SPTBN1: variants seen among roughly 807,000 people sequenced by gnomAD.
SPTBN1 encodes spectrin beta, non-erythrocytic 1.
In SPTBN1, 32 loss-of-function variants were observed where a neutral mutation model predicts 266.4. That is an observed-to-expected ratio of 0.12 (90% CI 0.09 to 0.16). SPTBN1 has a LOEUF of 0.16. SPTBN1 is among the 10% of genes least tolerant of loss of function. The pLI is 1.00. For missense variants in SPTBN1, 2,296 were observed against 3,067.1 expected (o/e 0.75, Z 5.94); for synonymous variants, 1,336 against 1,162.2 (o/e 1.15, Z -3.04).
Position 54,618,106 on chromosome 2 carries a change from A to G in SPTBN1, c.676A>G (p.Lys226Glu), listed in dbSNP as rs375829530. ...RPDLIDFDKL[K>E]KSNAHYNLQN... Reference sequence around the variant, plus strand: ...TGACCTGATAGATTTTGACAAACTAAAGAAATCTAACGCACACTACAACCT... The same window carrying G: ...TGACCTGATAGATTTTGACAAACTAGAGAAATCTAACGCACACTACAACCT... Residue 226 changes from lysine (K) to glutamate (E), a missense_variant, in exon 7 of 36, where the codon AAG (lysine) becomes GAG (glutamate). Coordinates refer to ENST00000356805, the MANE Select transcript of SPTBN1 (RefSeq NM_003128.3). 2.2e-5 allele frequency: 35 copies of G among 1,614,048 alleles called. No individual in the cohort carries two copies. Among genetic ancestry groups the G allele is most frequent in the Non-Finnish European group, 5.1e-6 (6 of 1,180,018 alleles).
At chr2:54,665,799 G>T in intron 33 of SPTBN1, 116 bp from the exon 34 acceptor site, 4 of 1,216,966 alleles carry the variant, frequency 3.3e-6, no homozygotes, top group Non-Finnish European at 3.4e-6. Context: ...TGAGGGTTGG[G>T]TGGGGTCACA....
chr2:54,522,649 AG>A lies in SPTBN1; in HGVS notation c.-47-3722del, dbSNP rs1423462918. Among the ~76,000 whole-genome samples the A allele has an allele frequency of 1.4e-3, 76 of 54,800 alleles. 1 individual carries two copies. The highest frequency in any genetic ancestry group is 2.1e-3 in the Non-Finnish European group (61 of 29,500). 36.0% of individuals were successfully genotyped at this position (54,800 alleles called of 152,430 possible). The stretch of plus-strand genomic sequence containing the variant: ...CTGTCTCAAAAAGAAAGAAAGAAAG[AG>A]AGAGAGAAAGAGAGAGAGAGAGAGA... On this transcript the variant is annotated intron_variant, in intron 1 of 35. Coordinates refer to ENST00000356805, the MANE Select transcript of SPTBN1 (RefSeq NM_003128.3).
At chr2:54,470,561 G>A (rs755362346) in intron 1 of SPTBN1, among the ~76,000 whole-genome samples, 2 of 152,216 alleles carry the variant, frequency 1.3e-5, no homozygotes, top group Admixed American at 6.5e-5. Flanking sequence ...GAATGTAGCA[G>A]CATTTGAATG....
chr2:54,533,347 CTA>C lies in SPTBN1; in HGVS notation c.148+6782_148+6783del, dbSNP rs1671376668. ...AAAGTGAAACCCAGGCTAAAGGGGA[CTA>C]GTGTGTGTGTGTGTGTGTGTGTGTG... is the stretch of plus-strand genomic sequence containing the variant. On this transcript the variant is annotated intron_variant, in intron 2 of 35. Coordinates refer to ENST00000356805, the MANE Select transcript of SPTBN1 (RefSeq NM_003128.3). The surrounding 1 kb of genome is among the most constrained non-coding windows in gnomAD (Gnocchi z 4.2). Among the ~76,000 whole-genome samples, 4 of 128,106 alleles carry C rather than the reference CTA, an allele frequency of 3.1e-5. No homozygotes were observed. In the South Asian group the frequency reaches 7.8e-4, roughly 25 times the overall value. 84.0% of individuals were successfully genotyped at this position (128,106 alleles called of 152,430 possible).
rs1394566448 is a variant in SPTBN1, at chr2:54,471,616, A to G, written c.-48+15098A>G. ...GTGATTCCAGCAAGGCTGTGCATCAAATGTTGGAATGTGTTGGAGAACTGC... is the reference window on the plus strand; with the variant it reads ...GTGATTCCAGCAAGGCTGTGCATCAGATGTTGGAATGTGTTGGAGAACTGC... On this transcript the variant is annotated intron_variant, in intron 1 of 35. Coordinates refer to ENST00000356805, the MANE Select transcript of SPTBN1 (RefSeq NM_003128.3). Among the ~76,000 whole-genome samples the G allele has an allele frequency of 5.9e-5, 9 of 152,214 alleles. No individual in the cohort carries two copies. In the East Asian group the frequency reaches 9.6e-4, roughly 16 times the overall value.
At chr2:54,470,650 TGAC>T (rs1336715246) in intron 1 of SPTBN1, among the ~76,000 whole-genome samples, 1 of 152,206 alleles carries the variant, frequency 6.6e-6, no homozygotes, top group Non-Finnish European at 1.5e-5. Flanking sequence ...GAGAGTACAC[TGAC>T]TTTTAGAGGA....
rs766088461 is a variant in SPTBN1 at position 54,558,758 on chromosome 2, C to A, written c.148+32192C>A. The A allele has an allele frequency of 6.2e-7, 1 of 1,608,734 alleles. No individual in the cohort carries two copies. The highest frequency in any genetic ancestry group is 8.5e-7 in the Non-Finnish European group (1 of 1,176,868). ...GCGAGATTTCCAGGGCGCAGTCCTC[C>A]GGGGCGTTACGCCGGGCATAATGGA... On this transcript the variant is annotated intron_variant, in intron 2 of 35. Transcript: ENST00000356805. This position sits in a 1 kb window ranked among gnomAD's most constrained non-coding sequence, Gnocchi z 4.6.
chr2:54,640,530 C>T (rs1235249158), intron 18 of SPTBN1, among the ~76,000 whole-genome samples: 2 of 152,122 alleles, frequency 1.3e-5, no homozygotes, highest in Non-Finnish European at 2.9e-5. Flanking sequence ...TAGAGACCAT[C>T]ATCATCTTTG....
intron 3 of SPTBN1, among the ~76,000 whole-genome samples, chr2:54,600,198 A>G (rs913941620): frequency 6.6e-6 from 1 of 152,192 alleles, no homozygotes; most frequent in Admixed American, 6.5e-5. Flanking sequence ...CAAGGGTCTA[A>G]GGTTGTCCCT....
chr2:54,526,316 C>T (rs1383827897), intron 1 of SPTBN1, 56 bp from the exon 2 acceptor site: 15 of 1,424,764 alleles, frequency 1.1e-5, no homozygotes, highest in African/African-American at 5.7e-5. Flanking sequence ...CAGTTGGTTC[C>T]GTGGGGACTG....
chr2:54,516,398 C>G (rs557032046), intron 1 of SPTBN1: 1 of 152,154 alleles, frequency 6.6e-6, no homozygotes, highest in Admixed American at 6.5e-5. Flanking sequence ...GAGTCATCAC[C>G]TCTGCATTTT....
intron 2 of SPTBN1, among the ~76,000 whole-genome samples, chr2:54,561,465 T>A (rs966696617): frequency 2.6e-5 from 4 of 152,070 alleles, no homozygotes; most frequent in Non-Finnish European, 4.4e-5. Flanking sequence ...GATATGAACT[T>A]ATTTATGTAT....
rs117593903 is a variant in SPTBN1, at chr2:54,588,687, T to A, written c.149-10405T>A. Among the ~76,000 whole-genome samples the A allele has an allele frequency of 2.3e-3, 357 of 152,288 alleles. 3 individuals carry two copies. Among genetic ancestry groups the A allele is most frequent in the East Asian group, 0.017 (86 of 5,186 alleles). ...GGCTTACTTCAGCCTTTGCCCTAACTGATCAGTCACCCTGACTGCAGTTCC... is the reference window on the plus strand; with the variant it reads ...GGCTTACTTCAGCCTTTGCCCTAACAGATCAGTCACCCTGACTGCAGTTCC... On this transcript the variant is annotated intron_variant, in intron 2 of 35. Transcript: ENST00000356805.
Position 54,664,525 on chromosome 2 carries a change from A to G in SPTBN1, c.6493A>G (p.Ser2165Gly). 6.2e-7 allele frequency: 1 copy of G among 1,614,202 alleles called. No homozygotes were observed. Among genetic ancestry groups the G allele is most frequent in the Non-Finnish European group, 8.5e-7 (1 of 1,180,030 alleles). The change falls in exon 33 of 36, where the codon AGC becomes GGC. Residue 2165 changes from serine to glycine, a missense_variant. Around this residue, in one of 12 missense-constraint regions of SPTBN1, gnomAD observed 347 missense variants for 368.5 expected, o/e 0.94. Transcript: ENST00000356805. This position sits in a 1 kb window ranked among gnomAD's most constrained non-coding sequence, Gnocchi z 5.6. Reference sequence around the variant, plus strand: ...ACAAAGGACGAGCTCTAAAGAGTCCAGCCCCATCCCCTCCCCGACCTCTGA... The same window carrying G: ...ACAAAGGACGAGCTCTAAAGAGTCCGGCCCCATCCCCTCCCCGACCTCTGA... ...TEQRTSSKESSPIPSPTSDRK... is the reference protein window; with the variant it reads ...TEQRTSSKESGPIPSPTSDRK...
intron 1 of SPTBN1, among the ~76,000 whole-genome samples, chr2:54,487,832 C>CTTTTTTTTTTT (rs70944169): frequency 0.28 from 19,209 of 68,216 alleles, 6,461 homozygotes; most frequent in African/African-American, 0.4. Flanking sequence ...CCTCCTGTGT[C>CTTTTTTTTTTT]TTTTTTTTTT....
chr2:54,589,308 C>T (rs1028591406), intron 2 of SPTBN1, among the ~76,000 whole-genome samples: 17 of 152,172 alleles, frequency 1.1e-4, no homozygotes, highest in African/African-American at 3.9e-4. Context: ...AGGCAGGACC[C>T]TGGTGACAGA....
Position 54,535,868 on chromosome 2 carries a change from G to A in SPTBN1, c.148+9302G>A, listed in dbSNP as rs909865236. On this transcript the variant is annotated intron_variant, in intron 2 of 35. Coordinates refer to ENST00000356805, the MANE Select transcript of SPTBN1 (RefSeq NM_003128.3). ...CTCTACTAAAAATACAAAATGAGCCGGATGTGGTGGTGCACACCTGTTACA... is the reference window on the plus strand; with the variant it reads ...CTCTACTAAAAATACAAAATGAGCCAGATGTGGTGGTGCACACCTGTTACA... Among the ~76,000 whole-genome samples, 11 of 152,156 alleles carry A rather than the reference G, an allele frequency of 7.2e-5. No individual in the cohort carries two copies. The East Asian group carries it at 1.2e-3, about 16-fold the overall frequency.
intron 27 of SPTBN1, among the ~76,000 whole-genome samples, chr2:54,654,362 C>T (rs1011427746): frequency 6.6e-6 from 1 of 152,124 alleles, no homozygotes; most frequent in Non-Finnish European, 1.5e-5. Context: ...TGTCCTATAT[C>T]TTTGGCTTTG....
chr2:54,561,842 G>C (rs561119442), intron 2 of SPTBN1, among the ~76,000 whole-genome samples: 42 of 142,596 alleles, frequency 2.9e-4, no homozygotes, highest in Non-Finnish European at 4.2e-4. Flanking sequence ...GAGATTTATA[G>C]TTTGTAGAGA....
Sources: allele counts gnomAD v4.1 joint callset (sites outside exome capture counted in the v4.1 genomes callset), GRCh38; gene constraint gnomAD v4.1.1; regional missense constraint gnomAD v4.1.1; non-coding constraint Gnocchi (gnomAD v3.1); transcripts MANE v1.5; gene names NCBI Gene and HGNC (gene_info 2026-07-23, HGNC 2026-07-21).